The following SPTBN4 variants were observed in gnomAD, a reference collection of about 807,000 sequenced individuals.
SPTBN4 encodes spectrin beta, non-erythrocytic 4, also known as spectrin beta chain, non-erythrocytic 4.
A neutral mutation model predicts 277.8 loss-of-function variants in SPTBN4; 96 were observed. That is an observed-to-expected ratio of 0.35 (90% CI 0.29 to 0.41). The LOEUF is 0.41. SPTBN4 is among the 10% of genes least tolerant of loss of function. SPTBN4 has a pLI of 1.00. For missense variants in SPTBN4, 3,006 were observed against 3,595.7 expected, an observed-to-expected ratio of 0.84 and a Z score of 4.19; for synonymous variants, 1,481 against 1,580.3, an observed-to-expected ratio of 0.94 and a Z score of 1.49.
At chr19:40,541,694 C>T (rs2080803866) in intron 20 of SPTBN4, among the ~76,000 whole-genome samples, 1 of 152,104 alleles carries the variant, frequency 6.6e-6, no homozygotes, top group African/African-American at 2.4e-5. Context: ...CTCTGTGTCT[C>T]TCTCTTCCCT....
chr19:40,472,813 G>A (rs983813025), intron 2 of SPTBN4, 23 bp downstream of exon 2: 57 of 1,526,894 alleles, frequency 3.7e-5, no homozygotes, highest in Non-Finnish European at 4.8e-5. Context: ...GGGCTGGGGT[G>A]GGATGAGGAG....
chr19:40,520,216 A>T, intron 16 of SPTBN4, 65 bp downstream of exon 16: 25 of 888,164 alleles, frequency 2.8e-5, no homozygotes, highest in Admixed American at 5.5e-5. Context: ...TTGCAGGGAC[A>T]GGGACATGCG....
At chr19:40,522,969 C>G (rs1317613899) in intron 16 of SPTBN4, among the ~76,000 whole-genome samples, 2 of 151,786 alleles carry the variant, frequency 1.3e-5, no homozygotes, top group African/African-American at 4.8e-5. Context: ...CCGTCTCTAC[C>G]AAAAATACAA....
chr19:40,549,204 G>T lies in SPTBN4; in HGVS notation c.4375G>T (p.Val1459Leu). 6.5e-7 allele frequency: 1 copy of T among 1,546,882 alleles called. No individual in the cohort carries two copies. Among genetic ancestry groups the T allele is most frequent in the Non-Finnish European group, 8.7e-7 (1 of 1,146,556 alleles). The change falls in exon 21 of 36, where the codon GTG becomes TTG. Residue 1459 changes from valine to leucine, a missense_variant. This residue lies in a region of SPTBN4 where 1,759 missense variants were observed against 2,061.5 expected (regional missense o/e 0.85). Coordinates refer to ENST00000598249, the MANE Select transcript of SPTBN4 (RefSeq NM_020971.3). ...LKKLQSMESQ[V>L]EEWYREVGEL... ...GTCCCCACAGTCCATGGAGTCGCAG[G>T]TGGAGGAGTGGTACCGCGAGGTGGG...
chr19:40,519,515 G>A lies in SPTBN4; in HGVS notation c.3018G>A (p.Lys1006=). 6.2e-7 allele frequency: 1 copy of A among 1,606,566 alleles called. No homozygotes were observed. Among genetic ancestry groups the A allele is most frequent in the East Asian group, 2.3e-5 (1 of 43,890 alleles). The change falls in exon 16 of 36, where the codon AAG becomes AAA. Residue 1006 remains lysine, a synonymous_variant. Coordinates refer to ENST00000598249, the MANE Select transcript of SPTBN4 (RefSeq NM_020971.3). The surrounding 1 kb of genome is among the most constrained non-coding windows in gnomAD (Gnocchi z 5.7). The part of the protein sequence containing the change: ...VAEVRAQVRE[K]RRAVESAPRA... ...AGGTGCGCGCCCAGGTGCGTGAGAA[G>A]CGGAGAGCTGTGGAGAGCGCGCCCC...
In SPTBN4 at chr19:40,569,712, G is replaced by C. The variant is rs1310655026; in HGVS notation, c.7012G>C (p.Gly2338Arg). ...GCTGCAGGAGAAAGAGGCAGGCCCA[G>C]GGCTGCCTGCTGGGGTAAGTTGAGC... is the stretch of plus-strand genomic sequence containing the variant. ...EQLQEKEAGP[G>R]LPAGPSLPQP... Residue 2338 changes from glycine to arginine, a missense_variant, in exon 32 of 36, where the codon GGG becomes CGG. Transcript: ENST00000598249. 6.2e-7 allele frequency: 1 copy of C among 1,612,088 alleles called. No individual in the cohort carries two copies. The highest frequency in any genetic ancestry group is 1.7e-5 in the Admixed American group (1 of 59,598).
In SPTBN4 at chr19:40,490,514, A is replaced by G. The variant is rs960716324; in HGVS notation, c.495+266A>G. Among the ~76,000 whole-genome samples the G allele has an allele frequency of 6.6e-6, 1 of 152,202 alleles. No individual in the cohort carries two copies. Among genetic ancestry groups the G allele is most frequent in the African/African-American group, 2.4e-5 (1 of 41,462 alleles). On this transcript the variant is annotated intron_variant, in intron 4 of 35. Coordinates refer to ENST00000598249, the MANE Select transcript of SPTBN4 (RefSeq NM_020971.3). The surrounding 1 kb of genome is among the most constrained non-coding windows in gnomAD (Gnocchi z 4.3). The stretch of plus-strand genomic sequence containing the variant: ...CAACCCCATAAATTAGGTACTATTT[A>G]GTACCCCATTTTACCAGTGAGGAAA...
chr19:40,530,460 G>C, intron 18 of SPTBN4: 2 of 972,546 alleles, frequency 2.1e-6, no homozygotes, highest in Non-Finnish European at 2.4e-6. Flanking sequence ...CCGCCGCGCG[G>C]GGGCGAGGGA....
chr19:40,483,800 C>A (rs1056437186), intron 2 of SPTBN4, among the ~76,000 whole-genome samples: 3 of 152,116 alleles, frequency 2.0e-5, no homozygotes, highest in Non-Finnish European at 4.4e-5. Flanking sequence ...TAGAGTGGTA[C>A]CAGAATGAGG....
intron 18 of SPTBN4, chr19:40,530,622 G>C: frequency 2.1e-6 from 2 of 963,680 alleles, no homozygotes; most frequent in African/African-American, 3.5e-5. Flanking sequence ...GGGGGTTGGC[G>C]CGCACCCCGC....
At position 40,565,415 on chromosome 19, in the gene SPTBN4, C is replaced by A. The variant is rs1018725947; in HGVS notation, c.5916-8C>A. 5.0e-6 allele frequency: 8 copies of A among 1,609,564 alleles called. No homozygotes were observed. The African/African-American group carries it at 9.3e-5, about 19-fold the overall frequency. ...GTGGCTCAGATCCCTGCCTGCCACC[C>A]ACTGCAGGGACGTGTCATCAGTGGA... On this transcript the variant is annotated splice_region_variant and splice_polypyrimidine_tract_variant and intron_variant, in intron 27 of 35. Transcript: ENST00000598249.
intron 27 of SPTBN4, 147 bp from the exon 28 acceptor site, chr19:40,565,273 AAAG>A (rs1416814332): frequency 4.8e-5 from 35 of 730,750 alleles, no homozygotes; most frequent in Non-Finnish European, 5.8e-5. Flanking sequence ...TCAAAAAAAA[AAAG>A]AAAAGAAAAG....
At chr19:40,570,410 C>T (rs755132949) in intron 32 of SPTBN4, 26 bp from the exon 33 acceptor site, 2 of 1,535,598 alleles carry the variant, frequency 1.3e-6, no homozygotes, top group Non-Finnish European at 1.7e-6. Context: ...ATGGACAGCA[C>T]CCCTCTTCCC....
In SPTBN4 at chr19:40,529,426, A is replaced by C. The variant is rs564277351; in HGVS notation, c.3948+295A>C. Among the ~76,000 whole-genome samples, 591 of 151,812 alleles carry C rather than the reference A, an allele frequency of 3.9e-3. 9 individuals carry two copies. Among genetic ancestry groups the C allele is most frequent in the African/African-American group, 0.014 (569 of 41,418 alleles). On this transcript the variant is annotated intron_variant, in intron 18 of 35. Coordinates refer to ENST00000598249, the MANE Select transcript of SPTBN4 (RefSeq NM_020971.3). ...GCGCTGATCTCACCTTTCTCTCCTG[A>C]GATTTGTGAGAATCGCTCTACCCCA...
intron 20 of SPTBN4, among the ~76,000 whole-genome samples, chr19:40,538,194 ACC>A (rs2080759513): frequency 2.0e-5 from 1 of 50,758 alleles, no homozygotes; most frequent in African/African-American, 8.7e-5. Context: ...TTCAAGACCA[ACC>A]TGGGCAACAT....
intron 15 of SPTBN4, among the ~76,000 whole-genome samples, chr19:40,518,846 T>C (rs2080489650): frequency 6.6e-6 from 1 of 152,164 alleles, no homozygotes. Flanking sequence ...CAGTGTGCCA[T>C]AAACGAGTTC....
At chr19:40,484,701 G>T (rs1022419373) in intron 2 of SPTBN4, among the ~76,000 whole-genome samples, 1 of 151,912 alleles carries the variant, frequency 6.6e-6, no homozygotes. Flanking sequence ...GCCAAGGGGG[G>T]TGGATCACGA....
At chr19:40,562,137 C>A (rs906894674) in intron 27 of SPTBN4, among the ~76,000 whole-genome samples, 13 of 151,876 alleles carry the variant, frequency 8.6e-5, no homozygotes, top group African/African-American at 3.1e-4. Flanking sequence ...GGCACTGGGG[C>A]CCTGGAAACC....
chr19:40,565,415 C>T lies in SPTBN4; in HGVS notation c.5916-8C>T. On this transcript the variant is annotated splice_region_variant and splice_polypyrimidine_tract_variant and intron_variant, in intron 27 of 35. Transcript: ENST00000598249. Reference sequence around the variant, plus strand: ...GTGGCTCAGATCCCTGCCTGCCACCCACTGCAGGGACGTGTCATCAGTGGA... The same window carrying T: ...GTGGCTCAGATCCCTGCCTGCCACCTACTGCAGGGACGTGTCATCAGTGGA... 2 of 1,609,684 alleles carry T rather than the reference C, an allele frequency of 1.2e-6. No homozygotes were observed. Among genetic ancestry groups the T allele is most frequent in the Non-Finnish European group, 1.7e-6 (2 of 1,177,412 alleles).
Sources: allele counts gnomAD v4.1 joint callset (sites outside exome capture counted in the v4.1 genomes callset), GRCh38; gene constraint gnomAD v4.1.1; regional missense constraint gnomAD v4.1.1; non-coding constraint Gnocchi (gnomAD v3.1); transcripts MANE v1.5; gene names NCBI Gene and HGNC (gene_info 2026-07-23, HGNC 2026-07-21).